MLLT1: variants seen among roughly 807,000 people sequenced by gnomAD.
MLLT1 encodes the protein protein ENL.
In MLLT1, 11 loss-of-function variants were observed where a neutral mutation model predicts 55.1. The observed-to-expected ratio is 0.20, with a 90% confidence interval of 0.13 to 0.33. The LOEUF (loss-of-function observed/expected upper bound fraction) is 0.33, where lower values mean the gene tolerates loss of function less well. MLLT1 is among the 10% of genes least tolerant of loss of function. The pLI is 1.00. For missense variants in MLLT1, 536 were observed against 760.6 expected, an observed-to-expected ratio of 0.70 and a Z score of 3.47; for synonymous variants, 323 against 320.1, an observed-to-expected ratio of 1.01 and a Z score of -0.10.
chr19:6,234,734 A>C (rs555385194), intron 3 of MLLT1, among the ~76,000 whole-genome samples: 1 of 152,292 alleles, frequency 6.6e-6, no homozygotes, highest in East Asian at 1.9e-4. Flanking sequence ...ACCAGATGGT[A>C]CCAAGCTCTG....
chr19:6,271,650 C>T (rs2091395869), intron 1 of MLLT1, among the ~76,000 whole-genome samples: 1 of 152,222 alleles, frequency 6.6e-6, no homozygotes, highest in South Asian at 2.1e-4. Flanking sequence ...AAATATCCAC[C>T]CTGCTTTGTA....
chr19:6,254,555 C>T (rs1454232252), intron 3 of MLLT1, among the ~76,000 whole-genome samples: 9 of 152,168 alleles, frequency 5.9e-5, no homozygotes, highest in Admixed American at 5.9e-4. Context: ...AACTCCAGGT[C>T]GTGGATGACA....
At position 6,219,256 on chromosome 19, in the gene MLLT1, C is replaced by A. The variant is rs1420544312; in HGVS notation, c.1111-1215G>T. 2.6e-5 allele frequency among the ~76,000 whole-genome samples: 4 copies of A among 152,190 alleles called. No homozygotes were observed. The highest frequency in any genetic ancestry group is 2.0e-4 in the Admixed American group (3 of 15,280). On this transcript the variant is annotated intron_variant, in intron 6 of 11. Transcript: ENST00000252674. The surrounding 1 kb of genome is among the most constrained non-coding windows in gnomAD (Gnocchi z 4.5). ...CAGCCCAACCCAGCCCCCTCCTGCC[C>A]CTCAAACCAGCCCCTGCCAGCGCCC...
chr19:6,215,528 T>C (rs1482061787), intron 8 of MLLT1, among the ~76,000 whole-genome samples: 1 of 152,194 alleles, frequency 6.6e-6, no homozygotes, highest in East Asian at 1.9e-4. Flanking sequence ...TCCCGCCATG[T>C]GCCTGCTGGC....
intron 3 of MLLT1, among the ~76,000 whole-genome samples, chr19:6,247,669 C>G (rs942035439): frequency 1.3e-5 from 2 of 152,174 alleles, no homozygotes; most frequent in Admixed American, 1.3e-4. Context: ...GTGGGTGGTA[C>G]TATGGGTTAA....
Position 6,227,433 on chromosome 19 carries a change from C to T in MLLT1, c.421-331G>A, listed in dbSNP as rs936853658. Among the ~76,000 whole-genome samples, 7 of 152,208 alleles carry T rather than the reference C, an allele frequency of 4.6e-5. No individual in the cohort carries two copies. Among genetic ancestry groups the T allele is most frequent in the South Asian group, 2.1e-4 (1 of 4,830 alleles). On this transcript the variant is annotated intron_variant, in intron 4 of 11. Transcript: ENST00000252674. This position sits in a 1 kb window ranked among gnomAD's most constrained non-coding sequence, Gnocchi z 5.1. ...AGAATCATGAGAAGGCAGCTGCGGCCGAAGCCTGACCTACGCGCTTAGGTT... is the reference window on the plus strand; with the variant it reads ...AGAATCATGAGAAGGCAGCTGCGGCTGAAGCCTGACCTACGCGCTTAGGTT...
chr19:6,274,183 A>T (rs2091415639), intron 1 of MLLT1, among the ~76,000 whole-genome samples: 1 of 152,150 alleles, frequency 6.6e-6, no homozygotes, highest in Non-Finnish European at 1.5e-5. Flanking sequence ...TGGAGCGCTG[A>T]GGGGGGCACT....
At chr19:6,214,860 G>A (rs1437262664) in intron 8 of MLLT1, among the ~76,000 whole-genome samples, 3 of 152,274 alleles carry the variant, frequency 2.0e-5, no homozygotes, top group Non-Finnish European at 2.9e-5. Context: ...TTCCCGGTGG[G>A]CAGCACAGCC....
At chr19:6,268,262 C>A (rs1433016916) in intron 2 of MLLT1, among the ~76,000 whole-genome samples, 1 of 152,188 alleles carries the variant, frequency 6.6e-6, no homozygotes, top group Non-Finnish European at 1.5e-5. Context: ...CAAAGACAAC[C>A]AACGCAAAAG....
rs1246016538 is a variant in MLLT1, at chr19:6,262,224, C to G, written c.276+4G>C. The G allele has an allele frequency of 6.2e-7, 1 of 1,613,468 alleles. No homozygotes were observed. ...ATCCTGCTTGCTCCCCTCAGGGATC[C>G]TACCTTGTTTTTGAAGTGCACCTCG... On this transcript the variant is annotated splice_donor_region_variant and intron_variant, in intron 3 of 11. Transcript: ENST00000252674. This position sits in a 1 kb window ranked among gnomAD's most constrained non-coding sequence, Gnocchi z 4.4.
chr19:6,272,158 T>G (rs2091401060), intron 1 of MLLT1, among the ~76,000 whole-genome samples: 1 of 151,562 alleles, frequency 6.6e-6, no homozygotes, highest in Non-Finnish European at 1.5e-5. Context: ...GCGCACGTCT[T>G]CCACGCGTGT....
At chr19:6,263,376 A>G (rs914695890) in intron 2 of MLLT1, 2 of 152,276 alleles carry the variant, frequency 1.3e-5, no homozygotes, top group Admixed American at 1.3e-4. Flanking sequence ...ACTCGCCCAT[A>G]GTCTGAATCC....
At chr19:6,216,751 C>T (rs998312666) in intron 7 of MLLT1, 184 of 542,462 alleles carry the variant, frequency 3.4e-4, no homozygotes, top group African/African-American at 3.2e-3. Flanking sequence ...TGGCCCTGCT[C>T]GCAGGCCTCA....
In MLLT1 at chr19:6,222,745, G is replaced by T. The variant is rs879748455; in HGVS notation, c.547-61C>A. The stretch of plus-strand genomic sequence containing the variant: ...ACAAGGTCACGTGGCATTGCGGGGC[G>T]CCCTGCTCCGCCACCCCTGACCCCT... On this transcript the variant is annotated intron_variant, in intron 5 of 11. Coordinates refer to ENST00000252674, the MANE Select transcript of MLLT1 (RefSeq NM_005934.4). The surrounding 1 kb of genome is among the most constrained non-coding windows in gnomAD (Gnocchi z 4.1). 7.3e-7 allele frequency: 1 copy of T among 1,361,622 alleles called. No homozygotes were observed. The highest frequency in any genetic ancestry group is 1.5e-5 in the South Asian group (1 of 68,580). The allele number at this position is 1,361,622 out of a possible 1,614,324, so 84.3% of individuals were successfully genotyped here.
chr19:6,218,086 C>G (rs1343778840), intron 6 of MLLT1, 45 bp from the exon 7 acceptor site: 2 of 1,560,464 alleles, frequency 1.3e-6, no homozygotes, highest in Non-Finnish European at 8.7e-7. Context: ...AAAGGGAGAG[C>G]TGTCACCTTT....
chr19:6,226,066 G>A lies in MLLT1; in HGVS notation c.546+911C>T, dbSNP rs947567181. Among the ~76,000 whole-genome samples, 2 of 152,224 alleles carry A rather than the reference G, an allele frequency of 1.3e-5. No individual in the cohort carries two copies. The highest frequency in any genetic ancestry group is 4.8e-5 in the African/African-American group (2 of 41,454). On this transcript the variant is annotated intron_variant, in intron 5 of 11. Transcript: ENST00000252674. The surrounding 1 kb of genome is among the most constrained non-coding windows in gnomAD (Gnocchi z 6.3). ...AGCCAGAAAGACCTGCCTGGGTGCT[G>A]CGGTTCTTCTCCCGCATGGCTGACG...
intron 1 of MLLT1, among the ~76,000 whole-genome samples, chr19:6,279,287 G>A (rs1187056249): frequency 1.3e-5 from 2 of 152,140 alleles, no homozygotes; most frequent in Non-Finnish European, 2.9e-5. Context: ...GACAGTGACT[G>A]GCCCTGGACC....
chr19:6,260,346 T>C (rs991883642), intron 3 of MLLT1, among the ~76,000 whole-genome samples: 1 of 152,160 alleles, frequency 6.6e-6, no homozygotes. Flanking sequence ...CTCAGTTGAG[T>C]GCTGCAGGAC....
chr19:6,273,129 A>C lies in MLLT1; in HGVS notation c.13-2370T>G, dbSNP rs4807858. 6.6e-6 allele frequency among the ~76,000 whole-genome samples: 1 copy of C among 151,576 alleles called. No individual in the cohort carries two copies. Among genetic ancestry groups the C allele is most frequent in the African/African-American group, 2.4e-5 (1 of 41,190 alleles). Reference sequence around the variant, plus strand: ...GAGACAAAAGAAATAACCCGTCGTCATAAGTGGCTGACAGATATGGGAAAC... The same window carrying C: ...GAGACAAAAGAAATAACCCGTCGTCCTAAGTGGCTGACAGATATGGGAAAC... On this transcript the variant is annotated intron_variant, in intron 1 of 11. Coordinates refer to ENST00000252674, the MANE Select transcript of MLLT1 (RefSeq NM_005934.4). The surrounding 1 kb of genome is among the most constrained non-coding windows in gnomAD (Gnocchi z 4.3).
Sources: allele counts gnomAD v4.1 joint callset (sites outside exome capture counted in the v4.1 genomes callset), GRCh38; gene constraint gnomAD v4.1.1; non-coding constraint Gnocchi (gnomAD v3.1); transcripts MANE v1.5; gene names NCBI Gene and HGNC (gene_info 2026-07-23, HGNC 2026-07-21).